Variants in ANK1 observed in about 807,000 individuals in gnomAD.
ANK1 encodes the protein ankyrin-1.
A neutral mutation model predicts 210.4 loss-of-function variants in ANK1; 51 were observed. The ratio of observed to expected loss-of-function variants is 0.24; its 90% CI spans 0.19 to 0.31. The LOEUF is 0.31. Among genes scored for constraint, ANK1 ranks in the 10% least tolerant of loss-of-function variants. The pLI is 1.00. For missense variants in ANK1, 2,051 were observed against 2,504.4 expected (o/e 0.82, Z 3.86); for synonymous variants, 967 against 1,025.9 (o/e 0.94, Z 1.10).
chr8:41,743,885 A>T (rs1010385119), intron 2 of ANK1, among the ~76,000 whole-genome samples: 1 of 152,218 alleles, frequency 6.6e-6, no homozygotes, highest in Non-Finnish European at 1.5e-5. Context: ...GCACACAGAC[A>T]TATGACAACC....
At chr8:41,851,539 C>T (rs1587420336) in intron 1 of ANK1, among the ~76,000 whole-genome samples, 4 of 152,212 alleles carry the variant, frequency 2.6e-5, no homozygotes, top group African/African-American at 9.7e-5. Flanking sequence ...GGAGGCTGCT[C>T]CTTCACACCT....
intron 37 of ANK1, among the ~76,000 whole-genome samples, chr8:41,676,222 A>C (rs1814110107): frequency 6.6e-6 from 1 of 152,216 alleles, no homozygotes; most frequent in Non-Finnish European, 1.5e-5. Context: ...TGAGAGTTCC[A>C]GTTCCCCCAT....
In ANK1 at chr8:41,695,314, A is replaced by G; in HGVS notation, c.2978T>C (p.Ile993Thr). The G allele has an allele frequency of 6.2e-7, 1 of 1,613,880 alleles. No homozygotes were observed. The highest frequency in any genetic ancestry group is 8.5e-7 in the Non-Finnish European group (1 of 1,179,986). The change falls in exon 27 of 43, where the codon ATC (isoleucine) becomes ACC (threonine). Residue 993 changes from isoleucine (I) to threonine (T), a missense_variant. Around this residue, in one of 6 missense-constraint regions of ANK1, gnomAD observed 1,413 missense variants for 1,707.4 expected, o/e 0.83. Coordinates refer to ENST00000289734, the MANE Select transcript of ANK1 (RefSeq NM_000037.4). Reference protein sequence around the residue: ...AQFLSPVIVEIPHFASHGRGD... With the variant: ...AQFLSPVIVETPHFASHGRGD... The stretch of plus-strand genomic sequence containing the variant: ...ACGGCCATGGGAGGCAAAGTGCGGG[A>G]TCTCCACGATTACAGGGCTGAGGCA...
intron 1 of ANK1, among the ~76,000 whole-genome samples, chr8:41,837,356 G>T (rs1563878161): frequency 6.6e-6 from 1 of 152,152 alleles, no homozygotes; most frequent in Non-Finnish European, 1.5e-5. Context: ...ACGAAAGATG[G>T]TGTGTTTTTT....
intron 1 of ANK1, among the ~76,000 whole-genome samples, chr8:41,812,601 G>C (rs560677706): frequency 2.0e-5 from 3 of 152,108 alleles, no homozygotes; most frequent in Admixed American, 2.0e-4. Context: ...CAGCTTCTTA[G>C]AGCTACTCTT....
intron 1 of ANK1, among the ~76,000 whole-genome samples, chr8:41,843,081 C>T (rs1217985101): frequency 1.3e-5 from 2 of 152,206 alleles, no homozygotes; most frequent in Non-Finnish European, 2.9e-5. Context: ...CTCTTGACCT[C>T]AGGTGATCCG....
intron 16 of ANK1, among the ~76,000 whole-genome samples, chr8:41,710,281 G>A (rs929747560): frequency 2.6e-5 from 4 of 152,094 alleles, no homozygotes; most frequent in African/African-American, 9.7e-5. Flanking sequence ...ACTAGGGCAG[G>A]CATTTTTATT....
intron 1 of ANK1, among the ~76,000 whole-genome samples, chr8:41,818,829 A>C (rs185118706): frequency 2.0e-5 from 3 of 152,186 alleles, no homozygotes; most frequent in African/African-American, 7.2e-5. Context: ...TTCAAACAAA[A>C]GAACAGTCCA....
intron 1 of ANK1, among the ~76,000 whole-genome samples, chr8:41,805,345 C>A (rs1850808358): frequency 6.6e-6 from 1 of 151,996 alleles, no homozygotes; most frequent in South Asian, 2.1e-4. Context: ...TGAGCTCAAG[C>A]AATCCTCCCA....
rs531006872 is a variant in ANK1 at position 41,861,460 on chromosome 8, C to T, written c.126+34895G>A. On this transcript the variant is annotated intron_variant, in intron 1 of 42. Transcript: ENST00000265709. ...GAAATTAACGCACAGCTTGTTTGAG[C>T]GTGGAACTGTAGTTTGGTTTTTGGT... is the stretch of plus-strand genomic sequence containing the variant. 5.1e-4 allele frequency among the ~76,000 whole-genome samples: 77 copies of T among 152,326 alleles called. 1 individual carries two copies. The highest frequency in any genetic ancestry group is 1.5e-3 in the African/African-American group (64 of 41,574).
At chr8:41,843,498 C>G (rs1809433099) in intron 1 of ANK1, among the ~76,000 whole-genome samples, 1 of 152,024 alleles carries the variant, frequency 6.6e-6, no homozygotes, top group South Asian at 2.1e-4. Flanking sequence ...GCTCTCAGCC[C>G]TGGTCCAGCA....
At chr8:41,714,314 TC>T (rs1445853169) in intron 15 of ANK1, 60 bp from the exon 16 acceptor site, 3 of 1,333,274 alleles carry the variant, frequency 2.3e-6, no homozygotes, top group South Asian at 3.1e-5. Flanking sequence ...CTCCCAGGAC[TC>T]CCTTTAGGCA....
At chr8:41,691,636 C>T (rs934761971) in intron 31 of ANK1, among the ~76,000 whole-genome samples, 3 of 152,180 alleles carry the variant, frequency 2.0e-5, no homozygotes, top group African/African-American at 4.8e-5. Flanking sequence ...TTTCCTCTGC[C>T]TCCTCACCTG....
chr8:41,737,508 C>CA lies in ANK1; in HGVS notation c.130-3440dup, dbSNP rs137921956. Among the ~76,000 whole-genome samples, 863 of 152,308 alleles carry CA rather than the reference C, an allele frequency of 5.7e-3. 9 individuals carry two copies. Among genetic ancestry groups the CA allele is most frequent in the African/African-American group, 0.02 (818 of 41,556 alleles). ...CTTCCTGGGTCCCATGCCTCCCTCGCAAAGGGCAGAGAGTAAGACCCTCGC... is the reference window on the plus strand; with the variant it reads ...CTTCCTGGGTCCCATGCCTCCCTCGCAAAAGGGCAGAGAGTAAGACCCTCGC... On this transcript the variant is annotated intron_variant, in intron 2 of 42. Transcript: ENST00000289734.
intron 13 of ANK1, among the ~76,000 whole-genome samples, 175 bp downstream of exon 13, chr8:41,716,778 G>C (rs1182780820): frequency 6.6e-6 from 1 of 152,228 alleles, no homozygotes; most frequent in Non-Finnish European, 1.5e-5. Context: ...AATACCCCTG[G>C]TCTTCTCAAA....
intron 16 of ANK1, among the ~76,000 whole-genome samples, chr8:41,709,266 A>G (rs889559694): frequency 2.0e-5 from 3 of 152,268 alleles, no homozygotes; most frequent in Admixed American, 2.0e-4. Context: ...AGGCTGGGTA[A>G]GGAAATGAAA....
chr8:41,683,466 C>T (rs952371480), intron 37 of ANK1, among the ~76,000 whole-genome samples: 11 of 152,152 alleles, frequency 7.2e-5, no homozygotes, highest in Non-Finnish European at 1.0e-4. Flanking sequence ...CCCTCAGCCG[C>T]GCCCCCAAAC....
At chr8:41,709,724 C>T (rs1825642025) in intron 16 of ANK1, among the ~76,000 whole-genome samples, 1 of 152,118 alleles carries the variant, frequency 6.6e-6, no homozygotes, top group East Asian at 1.9e-4. Flanking sequence ...CACTTGAGGC[C>T]AGGAGTTTGA....
At chr8:41,719,267 A>G (rs1365714549) in intron 10 of ANK1, among the ~76,000 whole-genome samples, 1 of 152,184 alleles carries the variant, frequency 6.6e-6, no homozygotes, top group Non-Finnish European at 1.5e-5. Context: ...AGCTCTGGCC[A>G]TCTCATTCAT....
Sources: gnomAD v4.1 joint callset for allele counts (sites outside exome capture counted in the v4.1 genomes callset) on GRCh38, gnomAD v4.1.1 for gene constraint, gnomAD v4.1.1 regional missense constraint, MANE v1.5 for transcripts, NCBI Gene and HGNC (gene_info 2026-07-23, HGNC 2026-07-21) for gene names.